Variants in FOXK2 observed in about 807,000 individuals in gnomAD.
FOXK2 encodes forkhead box K2.
In FOXK2, 24 loss-of-function variants were observed where a neutral mutation model predicts 53.3. That is an observed-to-expected ratio of 0.45 (90% CI 0.33 to 0.63). The LOEUF (loss-of-function observed/expected upper bound fraction) is 0.63, where lower values mean the gene tolerates loss of function less well. Ranked by LOEUF, FOXK2 falls within the 30% of genes least tolerant of loss-of-function variation. FOXK2 has a pLI of 0.03. For missense variants in FOXK2, 952 were observed against 910.5 expected, an observed-to-expected ratio of 1.05 and a Z score of -0.59; for synonymous variants, 505 against 407.1, an observed-to-expected ratio of 1.24 and a Z score of -2.89.
Position 82,602,559 on chromosome 17 carries a change from C to G in FOXK2, c.*1060C>G, listed in dbSNP as rs1213365646. ...GGCCTCTGACCTGCTGTCTACTCCC[C>G]ACCTTCGGTGAGCGGCCGCCATGGT... On this transcript the variant is annotated 3_prime_UTR_variant, in exon 9 of 9. Transcript: ENST00000335255. 1.3e-5 allele frequency: 2 copies of G among 152,312 alleles called. No homozygotes were observed. Among genetic ancestry groups the G allele is most frequent in the Non-Finnish European group, 2.9e-5 (2 of 68,092 alleles). 9.4% of individuals were successfully genotyped at this position (152,312 alleles called of 1,614,324 possible).
rs781072114 is a variant in FOXK2 at position 82,519,987 on chromosome 17, C to T, written c.99C>T (p.Gly33=). Residue 33 remains glycine (G), a synonymous_variant, in exon 1 of 9, where the codon GGC becomes GGT. Transcript: ENST00000335255. ...GGAGGGGSPP[G]GWAVARLEGR... ...CCGGGGGCGGCGGGTCCCCGCCGGG[C>T]GGCTGGGCCGTGGCGCGCCTGGAGG... 7.2e-7 allele frequency: 1 copy of T among 1,387,560 alleles called. No homozygotes were observed. The highest frequency in any genetic ancestry group is 9.4e-7 in the Non-Finnish European group (1 of 1,060,954). 86.0% of individuals were successfully genotyped at this position (1,387,560 alleles called of 1,614,324 possible). A position where few individuals can be genotyped will look rare whatever the true frequency, so the allele number is the denominator to read the frequency against.
In FOXK2 at chr17:82,563,567, G is replaced by T; in HGVS notation, c.614+19G>T. On this transcript the variant is annotated intron_variant, in intron 2 of 8. Coordinates refer to ENST00000335255, the MANE Select transcript of FOXK2 (RefSeq NM_004514.4). ...CCATCAGGTGCGGCCATGGGGATGG[G>T]GGACTGGAGCATCCTTAGTCCCAGT... 6.2e-7 allele frequency: 1 copy of T among 1,604,490 alleles called. No individual in the cohort carries two copies. Among genetic ancestry groups the T allele is most frequent in the Non-Finnish European group, 8.5e-7 (1 of 1,174,816 alleles).
intron 8 of FOXK2, chr17:82,599,029 TC>T (rs1204182130): frequency 6.6e-6 from 1 of 151,738 alleles, no homozygotes; most frequent in Non-Finnish European, 1.5e-5. Flanking sequence ...CTCGTTGGGC[TC>T]CAAGCCTCTT....
chr17:82,576,694 G>A, intron 4 of FOXK2: 1 of 1,078,124 alleles, frequency 9.3e-7, no homozygotes, highest in East Asian at 2.4e-5. Flanking sequence ...CTTAAGTCTA[G>A]TCCTCGGCCT....
In FOXK2 at chr17:82,563,350, C is replaced by T. The variant is rs377626967; in HGVS notation, c.420-4C>T. On this transcript the variant is annotated splice_region_variant and splice_polypyrimidine_tract_variant and intron_variant, in intron 1 of 8. Transcript: ENST00000335255. ...GGTGCTGATGGTGGGCTTTTCTTTT[C>T]CAGGTGCACATTCAGGTTCCCGAGC... 1.4e-5 allele frequency: 23 copies of T among 1,609,582 alleles called. No individual in the cohort carries two copies. The highest frequency in any genetic ancestry group is 2.7e-5 in the African/African-American group (2 of 74,790).
chr17:82,533,929 G>A (rs1315061585), intron 1 of FOXK2, among the ~76,000 whole-genome samples: 1 of 151,550 alleles, frequency 6.6e-6, no homozygotes, highest in Admixed American at 6.6e-5. Context: ...GGCCCAAGAG[G>A]TGGAGGCTAT....
chr17:82,564,812 CCT>C (rs1344982701), intron 2 of FOXK2, among the ~76,000 whole-genome samples: 11 of 150,198 alleles, frequency 7.3e-5, no homozygotes, highest in Non-Finnish European at 1.0e-4. Context: ...CTCACTGCAT[CCT>C]CTGTCTCCCA....
intron 1 of FOXK2, among the ~76,000 whole-genome samples, chr17:82,546,140 G>A (rs1599888249): frequency 1.1e-5 from 1 of 95,074 alleles, no homozygotes; most frequent in Admixed American, 1.6e-4. Context: ...TTTTTGAGAT[G>A]GAGTCTCGCT....
intron 1 of FOXK2, among the ~76,000 whole-genome samples, chr17:82,542,235 C>T (rs2044581773): frequency 6.6e-6 from 1 of 150,818 alleles, no homozygotes; most frequent in Admixed American, 6.6e-5. Flanking sequence ...GATCTCGGCT[C>T]ACTGCAACCT....
intron 1 of FOXK2, among the ~76,000 whole-genome samples, chr17:82,551,089 G>A (rs1298897810): frequency 2.0e-5 from 3 of 151,982 alleles, no homozygotes; most frequent in Non-Finnish European, 2.9e-5. Flanking sequence ...AGGCCGAGGC[G>A]GGCGGATCAC....
At position 82,588,008 on chromosome 17, in the gene FOXK2, AG is replaced by A. The variant is rs531614792; in HGVS notation, c.1786+739del. Among the ~76,000 whole-genome samples, 194 of 152,272 alleles carry A rather than the reference AG, an allele frequency of 1.3e-3. 1 individual carries two copies. The highest frequency in any genetic ancestry group is 4.5e-3 in the African/African-American group (188 of 41,566). On this transcript the variant is annotated intron_variant, in intron 8 of 8. Transcript: ENST00000335255. ...GCCCACGACACGCTTTCTTTGAAAG[AG>A]GGTACAGGTCAGAAGGCTTTATCAC...
rs1259897457 is a variant in FOXK2, at chr17:82,601,496, C to G, written c.1980C>G (p.Asn660Lys). ...PAAVREKGVQ[N>K] ...CCGTAAGGGAAAAGGGTGTCCAGAA[C>G]TAGCGACCGGGAGAGCTTTTCTTTA... The change falls in exon 9 of 9, where the codon AAC becomes AAG. Residue 660 changes from asparagine (N) to lysine (K), a missense_variant. By Grantham distance (94) the Asn-to-Lys change is moderately conservative. Coordinates refer to ENST00000335255, the MANE Select transcript of FOXK2 (RefSeq NM_004514.4). The G allele has an allele frequency of 1.2e-6, 2 of 1,600,172 alleles. No individual in the cohort carries two copies. The highest frequency in any genetic ancestry group is 4.5e-5 in the East Asian group (2 of 44,566).
chr17:82,533,112 A>G (rs1167483268), intron 1 of FOXK2, among the ~76,000 whole-genome samples: 1 of 152,186 alleles, frequency 6.6e-6, no homozygotes, highest in Non-Finnish European at 1.5e-5. Context: ...TCTTCTGGAT[A>G]CTTCCTGAAG....
intron 1 of FOXK2, among the ~76,000 whole-genome samples, chr17:82,525,273 T>A (rs753500222): frequency 6.6e-6 from 1 of 151,974 alleles, no homozygotes; most frequent in Non-Finnish European, 1.5e-5. Flanking sequence ...GGGTTCTGGG[T>A]TCAAGCAATT....
At chr17:82,592,720 C>T (rs2045264383) in intron 8 of FOXK2, among the ~76,000 whole-genome samples, 2 of 152,248 alleles carry the variant, frequency 1.3e-5, no homozygotes, top group Admixed American at 1.3e-4. Context: ...GGGGCATCTC[C>T]TCAAGCTGGC....
chr17:82,575,588 C>T (rs2044972905), intron 4 of FOXK2, among the ~76,000 whole-genome samples: 1 of 152,110 alleles, frequency 6.6e-6, no homozygotes, highest in African/African-American at 2.4e-5. Context: ...CTTCTAGAAA[C>T]AGTGGGACTA....
intron 1 of FOXK2, among the ~76,000 whole-genome samples, chr17:82,523,796 A>G (rs1483184243): frequency 6.6e-6 from 1 of 151,954 alleles, no homozygotes; most frequent in Non-Finnish European, 1.5e-5. Context: ...TTTTTTCTGA[A>G]TTTAAGCTCA....
At chr17:82,597,194 T>C (rs756803402) in intron 8 of FOXK2, among the ~76,000 whole-genome samples, 4 of 152,202 alleles carry the variant, frequency 2.6e-5, no homozygotes, top group Non-Finnish European at 5.9e-5. Flanking sequence ...CCTGGCACCA[T>C]GTGGTCCTCG....
chr17:82,529,121 C>T (rs1368664891), intron 1 of FOXK2, among the ~76,000 whole-genome samples: 1 of 152,010 alleles, frequency 6.6e-6, no homozygotes, highest in Non-Finnish European at 1.5e-5. Flanking sequence ...ACTCTTGGTC[C>T]TACTGGTGGT....
Sources: gnomAD v4.1 joint callset for allele counts (sites outside exome capture counted in the v4.1 genomes callset) on GRCh38, gnomAD v4.1.1 for gene constraint, MANE v1.5 for transcripts, NCBI Gene and HGNC (gene_info 2026-07-23, HGNC 2026-07-21) for gene names.